The following LPP variants were observed in gnomAD, a reference collection of about 807,000 sequenced individuals.
The protein encoded by LPP is LIM domain containing preferred translocation partner in lipoma.
Under a neutral mutation model 60.4 loss-of-function variants are expected in LPP, and 38 were observed. That is an observed-to-expected ratio of 0.63 (90% CI 0.49 to 0.83). LPP has a LOEUF of 0.83. LPP is among the 40% of genes least tolerant of loss of function. The pLI is 0.00. For missense variants in LPP, 902 were observed against 783.6 expected, an observed-to-expected ratio of 1.15 and a Z score of -1.80; for synonymous variants, 328 against 290.8, an observed-to-expected ratio of 1.13 and a Z score of -1.30.
intron 2 of LPP, among the ~76,000 whole-genome samples, chr3:188,332,483 T>C (rs976533315): frequency 6.6e-6 from 1 of 152,218 alleles, no homozygotes; most frequent in Admixed American, 6.5e-5. Context: ...AAACTAGGTG[T>C]GTGTTATAGT....
chr3:188,534,954 A>G (rs1326078022), intron 6 of LPP, among the ~76,000 whole-genome samples: 1 of 152,232 alleles, frequency 6.6e-6, no homozygotes, highest in Non-Finnish European at 1.5e-5. Context: ...TTCAGTGGGT[A>G]TATTAATTAT....
chr3:188,835,151 C>T (rs1349522464), intron 9 of LPP, among the ~76,000 whole-genome samples: 17 of 151,992 alleles, frequency 1.1e-4, no homozygotes. Context: ...TTCACAGGGT[C>T]ATAACACTAT....
At chr3:188,391,676 T>C (rs980346955) in intron 3 of LPP, among the ~76,000 whole-genome samples, 1 of 151,942 alleles carries the variant, frequency 6.6e-6, no homozygotes, top group Non-Finnish European at 1.5e-5. Flanking sequence ...ACAAAAATGG[T>C]GAAGCCACCA....
In LPP at chr3:188,522,534, C is replaced by G. The variant is rs182613673; in HGVS notation, c.307-2131C>G. ...TTTATTCAAAAATACTTACTGAACA[C>G]TTATTTGGGCTAGGTCTTGAAAGAG... On this transcript the variant is annotated intron_variant, in intron 5 of 11. Coordinates refer to ENST00000617246, the MANE Select transcript of LPP (RefSeq NM_001375462.1). Among the ~76,000 whole-genome samples the G allele has an allele frequency of 1.7e-3, 258 of 152,096 alleles. 2 individuals are homozygous for G. Among genetic ancestry groups the G allele is most frequent in the Non-Finnish European group, 2.6e-4 (18 of 68,002 alleles).
rs200794497 is a variant in LPP at position 188,862,732 on chromosome 3, T to G, written c.1411-3468T>G. Reference sequence around the variant, plus strand: ...CTAGACAAAAAAATAAATAAATAAATAAATAAAAGAAAAAAGAAAAGAAAG... The same window carrying G: ...CTAGACAAAAAAATAAATAAATAAAGAAATAAAAGAAAAAAGAAAAGAAAG... On this transcript the variant is annotated intron_variant, in intron 9 of 11. Coordinates refer to ENST00000617246, the MANE Select transcript of LPP (RefSeq NM_001375462.1). Among the ~76,000 whole-genome samples, 22 of 77,760 alleles carry G rather than the reference T, an allele frequency of 2.8e-4. No homozygotes were observed. In the East Asian group the frequency reaches 6.0e-3, roughly 21 times the overall value. 51.0% of individuals were successfully genotyped at this position (77,760 alleles called of 152,430 possible).
At chr3:188,565,109 C>G (rs1265210165) in intron 6 of LPP, among the ~76,000 whole-genome samples, 3 of 151,948 alleles carry the variant, frequency 2.0e-5, no homozygotes, top group Non-Finnish European at 4.4e-5. Flanking sequence ...TCCTCCAACA[C>G]AGCTCCTGGG....
At chr3:188,466,828 T>TAG (rs1368205490) in intron 4 of LPP, among the ~76,000 whole-genome samples, 15 of 125,086 alleles carry the variant, frequency 1.2e-4, no homozygotes, top group South Asian at 5.0e-4. Flanking sequence ...TATATATATA[T>TAG]ATATATATAT....
At chr3:188,843,652 T>TG (rs1048893866) in intron 9 of LPP, among the ~76,000 whole-genome samples, 4 of 149,960 alleles carry the variant, frequency 2.7e-5, no homozygotes, top group African/African-American at 7.5e-5. Flanking sequence ...CCGGGCGCAG[T>TG]GGGGGGCGCC....
At chr3:188,561,482 T>C (rs1830666569) in intron 6 of LPP, among the ~76,000 whole-genome samples, 1 of 152,074 alleles carries the variant, frequency 6.6e-6, no homozygotes, top group African/African-American at 2.4e-5. Context: ...TCCCTGTCAT[T>C]TCTCAAAAAT....
At chr3:188,510,641 A>G (rs1316126283) in intron 5 of LPP, among the ~76,000 whole-genome samples, 1 of 152,170 alleles carries the variant, frequency 6.6e-6, no homozygotes, top group Non-Finnish European at 1.5e-5. Context: ...CAATCTCCTT[A>G]TATGCCTTGG....
At chr3:188,822,216 C>T (rs1022192856) in intron 9 of LPP, among the ~76,000 whole-genome samples, 2 of 151,924 alleles carry the variant, frequency 1.3e-5, no homozygotes, top group Non-Finnish European at 2.9e-5. Context: ...TAAATGATGA[C>T]GGGGCTCTTT....
At chr3:188,597,424 G>C (rs1205533701) in intron 6 of LPP, among the ~76,000 whole-genome samples, 1 of 152,130 alleles carries the variant, frequency 6.6e-6, no homozygotes, top group African/African-American at 2.4e-5. Context: ...TTTCCTGAGA[G>C]ATGGGATCCC....
chr3:188,673,214 T>C (rs948555046), intron 7 of LPP, among the ~76,000 whole-genome samples: 2 of 152,168 alleles, frequency 1.3e-5, no homozygotes, highest in South Asian at 2.1e-4. Context: ...AGATTCATAA[T>C]AGAGAAGTAC....
intron 1 of LPP, among the ~76,000 whole-genome samples, chr3:188,218,383 C>A (rs928101982): frequency 6.6e-6 from 1 of 152,184 alleles, no homozygotes; most frequent in Non-Finnish European, 1.5e-5. Context: ...CCTCTAGCCA[C>A]CAGGCCAAAG....
intron 1 of LPP, among the ~76,000 whole-genome samples, chr3:188,173,637 C>T (rs543784077): frequency 1.3e-5 from 2 of 152,172 alleles, no homozygotes; most frequent in Non-Finnish European, 2.9e-5. Context: ...GGAGCAGCTG[C>T]GGATGAAGTC....
chr3:188,318,250 T>C (rs1358200958), intron 2 of LPP, among the ~76,000 whole-genome samples: 2 of 152,166 alleles, frequency 1.3e-5, no homozygotes, highest in Non-Finnish European at 2.9e-5. Context: ...GAAAAAATGT[T>C]CAGGAGGAAT....
chr3:188,452,176 C>T (rs1560423065), intron 4 of LPP, among the ~76,000 whole-genome samples: 1 of 152,204 alleles, frequency 6.6e-6, no homozygotes, highest in Non-Finnish European at 1.5e-5. Flanking sequence ...ATTTTTAAGT[C>T]TTCCCATCAA....
At position 188,715,340 on chromosome 3, in the gene LPP, T is replaced by G. The variant is rs189953395; in HGVS notation, c.1240+6947T>G. On this transcript the variant is annotated intron_variant, in intron 8 of 11. Coordinates refer to ENST00000617246, the MANE Select transcript of LPP (RefSeq NM_001375462.1). ...TTACAGTGAGCCAAGATCGTGCCAC[T>G]GCACTCCAGCCTGGTGACAGAGGGA... Among the ~76,000 whole-genome samples, 625 of 117,126 alleles carry G rather than the reference T, an allele frequency of 5.3e-3. 2 individuals carry two copies. Among genetic ancestry groups the G allele is most frequent in the Admixed American group, 0.012 (99 of 7,962 alleles). 76.8% of individuals were successfully genotyped at this position (117,126 alleles called of 152,430 possible).
At chr3:188,190,356 G>C (rs1727821992) in intron 1 of LPP, among the ~76,000 whole-genome samples, 1 of 152,120 alleles carries the variant, frequency 6.6e-6, no homozygotes, top group Non-Finnish European at 1.5e-5. Flanking sequence ...ACCGTGCCTG[G>C]CCCATTCTTT....
Sources: gnomAD v4.1 joint callset for allele counts (sites outside exome capture counted in the v4.1 genomes callset) on GRCh38, gnomAD v4.1.1 for gene constraint, MANE v1.5 for transcripts, NCBI Gene and HGNC (gene_info 2026-07-23, HGNC 2026-07-21) for gene names.